MTUS2: variants seen among roughly 807,000 people sequenced by gnomAD.
MTUS2 encodes microtubule-associated tumor suppressor candidate 2.
Under a neutral mutation model 114.1 loss-of-function variants are expected in MTUS2, and 40 were observed. The ratio of observed to expected loss-of-function variants is 0.35; its 90% CI spans 0.27 to 0.46. The LOEUF is 0.46. Ranked by LOEUF, MTUS2 falls within the 20% of genes least tolerant of loss-of-function variation. MTUS2 has a pLI of 1.00. For synonymous variants in MTUS2, 688 were observed against 672.0 expected, an observed-to-expected ratio of 1.02 and a Z score of -0.37; for missense variants, 1,679 against 1,705.4, an observed-to-expected ratio of 0.98 and a Z score of 0.27.
intron 5 of MTUS2, among the ~76,000 whole-genome samples, chr13:29,245,077 T>A (rs1165307226): frequency 6.6e-6 from 1 of 151,794 alleles, no homozygotes; most frequent in Non-Finnish European, 1.5e-5. Context: ...TATAAAGGGT[T>A]AAGTTTGAGC....
At chr13:28,916,681 G>A (rs1593297823) in intron 2 of MTUS2, among the ~76,000 whole-genome samples, 1 of 151,190 alleles carries the variant, frequency 6.6e-6, no homozygotes, top group South Asian at 2.1e-4. Context: ...GCGTCTTTAG[G>A]TTTTTTTCAA....
Position 29,288,759 on chromosome 13 carries a change from G to T in MTUS2, c.2806+6894G>T, listed in dbSNP as rs947680324. ...GGAGTTTTGGCAAAATGGTTAACTC[G>T]CATTCTGCCCCTCCACTACCTACTG... On this transcript the variant is annotated intron_variant, in intron 6 of 15. Transcript: ENST00000612955. 5.3e-5 allele frequency among the ~76,000 whole-genome samples: 8 copies of T among 152,234 alleles called. 1 individual carries two copies. The highest frequency in any genetic ancestry group is 1.9e-4 in the African/African-American group (8 of 41,538).
intron 8 of MTUS2, among the ~76,000 whole-genome samples, chr13:29,425,475 G>T (rs1441940733): frequency 6.6e-6 from 1 of 152,040 alleles, no homozygotes; most frequent in African/African-American, 2.4e-5. Flanking sequence ...AAAGACAAGG[G>T]ACAAGTGAAA....
intron 8 of MTUS2, among the ~76,000 whole-genome samples, chr13:29,407,718 A>T (rs2138529687): frequency 6.6e-6 from 1 of 151,960 alleles, no homozygotes; most frequent in Non-Finnish European, 1.5e-5. Flanking sequence ...ACCCCAAGTG[A>T]TTCACCTGCC....
intron 6 of MTUS2, among the ~76,000 whole-genome samples, chr13:29,304,125 C>G (rs143909759): frequency 2.6e-5 from 4 of 152,188 alleles, no homozygotes; most frequent in African/African-American, 9.6e-5. Flanking sequence ...CTTGCAAGAG[C>G]TCCCAAAGGA....
At chr13:28,961,116 G>A (rs374635146) in intron 2 of MTUS2, among the ~76,000 whole-genome samples, 1 of 152,186 alleles carries the variant, frequency 6.6e-6, no homozygotes. Flanking sequence ...CAGAACATCA[G>A]GAACCTGTGG....
chr13:29,404,463 G>C (rs1188818581), intron 8 of MTUS2, among the ~76,000 whole-genome samples: 3 of 152,108 alleles, frequency 2.0e-5, no homozygotes, highest in Non-Finnish European at 2.9e-5. Flanking sequence ...AGCCTCACAG[G>C]GTCAATAAGA....
At chr13:29,478,442 A>G (rs1210686658) in intron 9 of MTUS2, among the ~76,000 whole-genome samples, 9 of 152,128 alleles carry the variant, frequency 5.9e-5, no homozygotes, top group African/African-American at 2.2e-4. Context: ...CTTGTACTGT[A>G]CTTCTATGTT....
intron 2 of MTUS2, among the ~76,000 whole-genome samples, chr13:28,889,477 G>T (rs1333592189): frequency 6.6e-6 from 1 of 152,122 alleles, no homozygotes. Flanking sequence ...TCTCTGTGTC[G>T]TTGGGCTTGC....
At position 29,281,644 on chromosome 13, in the gene MTUS2, G is replaced by A. The variant is rs937290047; in HGVS notation, c.2645-60G>A. ...GTAGGATTGGTTGGCAAGTGCAAAT[G>A]GTGAGGGCTCCATCCATTTTTCATG... On this transcript the variant is annotated intron_variant, in intron 5 of 15. Coordinates refer to ENST00000612955, the MANE Select transcript of MTUS2 (RefSeq NM_001033602.4). 3 of 1,518,866 alleles carry A rather than the reference G, an allele frequency of 2.0e-6. No homozygotes were observed. The African/African-American group carries it at 4.1e-5, about 21-fold the overall frequency. The allele number at this position is 1,518,866 out of a possible 1,614,324, so 94.1% of individuals were successfully genotyped here.
intron 5 of MTUS2, among the ~76,000 whole-genome samples, chr13:29,119,369 A>G (rs1315050706): frequency 6.6e-6 from 1 of 152,218 alleles, no homozygotes. Context: ...AAAATGATAA[A>G]TGGCTTAGTA....
At chr13:28,928,481 G>A (rs9551573) in intron 2 of MTUS2, among the ~76,000 whole-genome samples, 12,760 of 152,192 alleles carry the variant, frequency 0.084, 598 homozygotes, top group South Asian at 0.13. Flanking sequence ...CATACAAATG[G>A]CCAGCAGATA....
chr13:29,368,976 T>C (rs1870972953), intron 8 of MTUS2, among the ~76,000 whole-genome samples: 1 of 151,860 alleles, frequency 6.6e-6, no homozygotes. Context: ...GAGGAGCTGG[T>C]GAGAGGGGTT....
chr13:29,022,571 C>T (rs1886337486), intron 2 of MTUS2, among the ~76,000 whole-genome samples: 1 of 152,192 alleles, frequency 6.6e-6, no homozygotes, highest in African/African-American at 2.4e-5. Context: ...GCCATGTAAC[C>T]TGTTTCAGGA....
At chr13:29,010,325 C>G (rs1885783565) in intron 2 of MTUS2, among the ~76,000 whole-genome samples, 1 of 152,206 alleles carries the variant, frequency 6.6e-6, no homozygotes, top group East Asian at 1.9e-4. Flanking sequence ...TTTAATACCT[C>G]TTGAGTTTTG....
At chr13:28,854,067 C>T (rs1200931364) in intron 2 of MTUS2, among the ~76,000 whole-genome samples, 1 of 152,182 alleles carries the variant, frequency 6.6e-6, no homozygotes, top group East Asian at 1.9e-4. Flanking sequence ...GTGTCCACTG[C>T]TTGAGGGACT....
chr13:29,066,497 C>T (rs1357019521), intron 4 of MTUS2, among the ~76,000 whole-genome samples: 1 of 152,146 alleles, frequency 6.6e-6, no homozygotes, highest in African/African-American at 2.4e-5. Context: ...AACTACTCAC[C>T]TCCGATGTTA....
intron 2 of MTUS2, among the ~76,000 whole-genome samples, chr13:28,853,425 C>T (rs1403325726): frequency 1.2e-5 from 1 of 80,928 alleles, no homozygotes; most frequent in African/African-American, 2.8e-5. Context: ...CTGGGGGTGG[C>T]TGATGAGACA....
chr13:29,009,469 T>C (rs998880463), intron 2 of MTUS2, among the ~76,000 whole-genome samples: 1 of 152,092 alleles, frequency 6.6e-6, no homozygotes, highest in Non-Finnish European at 1.5e-5. Flanking sequence ...GAAGCCAGAC[T>C]TGAAAGGCTG....
Sources: allele counts gnomAD v4.1 joint callset (sites outside exome capture counted in the v4.1 genomes callset), GRCh38; gene constraint gnomAD v4.1.1; transcripts MANE v1.5; gene names NCBI Gene and HGNC (gene_info 2026-07-23, HGNC 2026-07-21).